LAMA2: variants seen among roughly 807,000 people sequenced by gnomAD.
LAMA2 encodes the protein laminin subunit alpha 2.
LAMA2 carries 269 observed loss-of-function variants against 364.8 expected under a neutral mutation model. The ratio of observed to expected loss-of-function variants is 0.74; its 90% confidence interval spans 0.67 to 0.82. The LOEUF is 0.82. Among genes scored for constraint, LAMA2 ranks in the 40% least tolerant of loss-of-function variants. LAMA2 has a pLI of 0.00. For synonymous variants in LAMA2, 1,379 were observed against 1,370.6 expected (o/e 1.01, Z -0.14); for missense variants, 3,807 against 3,873.2 (o/e 0.98, Z 0.45).
At chr6:129,277,518 T>C (rs919831636) in intron 17 of LAMA2, among the ~76,000 whole-genome samples, 3 of 152,192 alleles carry the variant, frequency 2.0e-5, no homozygotes, top group Admixed American at 6.5e-5. Flanking sequence ...TTTGGATGCG[T>C]TATGTCGAGT....
intron 9 of LAMA2, among the ~76,000 whole-genome samples, chr6:129,166,945 T>C (rs1326538151): frequency 6.6e-6 from 1 of 152,184 alleles, no homozygotes; most frequent in Non-Finnish European, 1.5e-5. Flanking sequence ...CTCAACTTTA[T>C]ATGGACATTA....
chr6:128,896,559 T>C (rs2114401075), intron 1 of LAMA2, among the ~76,000 whole-genome samples: 1 of 152,260 alleles, frequency 6.6e-6, no homozygotes, highest in African/African-American at 2.4e-5. Flanking sequence ...GCTTTTCAAT[T>C]CTCTTTATTC....
intron 63 of LAMA2, 121 bp from the exon 64 acceptor site, chr6:129,514,251 AC>A: frequency 1.3e-6 from 1 of 792,736 alleles, no homozygotes; most frequent in South Asian, 1.5e-5. Context: ...ATGCCCAGTT[AC>A]ATCCATTTCA....
At chr6:129,052,090 G>A (rs1038372615) in intron 2 of LAMA2, among the ~76,000 whole-genome samples, 1 of 150,844 alleles carries the variant, frequency 6.6e-6, no homozygotes, top group Admixed American at 6.6e-5. Context: ...TGGGGGTAAA[G>A]CTTCACAATT....
chr6:128,976,071 T>G (rs1425370950), intron 1 of LAMA2, among the ~76,000 whole-genome samples: 1 of 152,192 alleles, frequency 6.6e-6, no homozygotes, highest in African/African-American at 2.4e-5. Context: ...TGTGAAGTAA[T>G]TAAAGGGATT....
intron 40 of LAMA2, among the ~76,000 whole-genome samples, chr6:129,421,837 C>T (rs567167252): frequency 5.9e-5 from 9 of 152,186 alleles, no homozygotes; most frequent in African/African-American, 1.2e-4. Context: ...CTCAATTCCA[C>T]GGTGCTTGCA....
At chr6:129,270,508 T>C (rs1787848798) in intron 16 of LAMA2, 116 bp from the exon 17 acceptor site, 1 of 1,017,868 alleles carries the variant, frequency 9.8e-7, no homozygotes, top group Non-Finnish European at 1.5e-6. Flanking sequence ...CCATTTAACA[T>C]GGAAAAATTA....
chr6:129,309,902 A>ATTTTTTTTTTTTTT lies in LAMA2; in HGVS notation c.3175-2957_3175-2944dup, dbSNP rs993652081. On this transcript the variant is annotated intron_variant, in intron 22 of 64. Transcript: ENST00000421865. ...AGAAATAAAGCTAATCCTGATAATC[A>ATTTTTTTTTTTTTT]TTTTTTTTTTTTTTTGAGACGGAGT... is the stretch of plus-strand genomic sequence containing the variant. Among the ~76,000 whole-genome samples the ATTTTTTTTTTTTTT allele has an allele frequency of 7.7e-4, 104 of 135,732 alleles. 3 individuals carry two copies. The highest frequency in any genetic ancestry group is 6.2e-3 in the East Asian group (26 of 4,190). 89.0% of individuals were successfully genotyped at this position (135,732 alleles called of 152,430 possible).
intron 4 of LAMA2, among the ~76,000 whole-genome samples, chr6:129,123,100 C>T (rs371490861): frequency 6.6e-6 from 1 of 151,700 alleles, no homozygotes; most frequent in Non-Finnish European, 1.5e-5. Flanking sequence ...GTCAGGAGTT[C>T]GAGAGCAGCC....
chr6:129,362,692 G>A (rs1314947970), intron 32 of LAMA2, among the ~76,000 whole-genome samples: 1 of 152,172 alleles, frequency 6.6e-6, no homozygotes, highest in Non-Finnish European at 1.5e-5. Context: ...TAATAATGTA[G>A]CCCAAACAGG....
intron 12 of LAMA2, among the ~76,000 whole-genome samples, chr6:129,236,939 A>G (rs1279930568): frequency 6.6e-6 from 1 of 152,206 alleles, no homozygotes; most frequent in Non-Finnish European, 1.5e-5. Context: ...CATTGAATGA[A>G]TGCACTCAAA....
At chr6:129,449,785 CTCTG>C (rs1465103705) in intron 45 of LAMA2, among the ~76,000 whole-genome samples, 1 of 150,040 alleles carries the variant, frequency 6.7e-6, no homozygotes, top group African/African-American at 2.5e-5. Flanking sequence ...AGTGCTGCTG[CTCTG>C]TCTGCTACAC....
intron 40 of LAMA2, among the ~76,000 whole-genome samples, chr6:129,425,609 G>C (rs1247342021): frequency 6.6e-6 from 1 of 151,672 alleles, no homozygotes; most frequent in African/African-American, 2.4e-5. Flanking sequence ...AGTAGGCCTC[G>C]GTGTATGTTG....
chr6:129,508,214 T>C (rs1276561068), intron 62 of LAMA2, among the ~76,000 whole-genome samples: 1 of 119,234 alleles, frequency 8.4e-6, no homozygotes, highest in Non-Finnish European at 1.9e-5. Flanking sequence ...CTCTACATAA[T>C]AATTTTTTAA....
intron 1 of LAMA2, among the ~76,000 whole-genome samples, chr6:128,915,126 G>A (rs1778229851): frequency 6.6e-6 from 1 of 152,068 alleles, no homozygotes; most frequent in African/African-American, 2.4e-5. Flanking sequence ...AAATACTTTG[G>A]TGTCACATGG....
At chr6:129,508,418 A>ATT (rs57872506) in intron 62 of LAMA2, among the ~76,000 whole-genome samples, 75 of 95,528 alleles carry the variant, frequency 7.9e-4, no homozygotes, top group African/African-American at 1.8e-3. Context: ...ATGTACAATT[A>ATT]TTTTTTTTTT....
intron 41 of LAMA2, among the ~76,000 whole-genome samples, chr6:129,428,979 AC>A (rs1781459728): frequency 6.6e-6 from 1 of 151,992 alleles, no homozygotes; most frequent in Admixed American, 6.6e-5. Context: ...CTGTCTCCCT[AC>A]CCTTACCTAA....
intron 3 of LAMA2, among the ~76,000 whole-genome samples, chr6:129,079,817 C>T (rs73773670): frequency 6.6e-6 from 1 of 152,146 alleles, no homozygotes; most frequent in African/African-American, 2.4e-5. Flanking sequence ...ACATATACAA[C>T]ACATATACAA....
At chr6:129,463,495 G>T (rs1229661788) in intron 49 of LAMA2, among the ~76,000 whole-genome samples, 3 of 151,916 alleles carry the variant, frequency 2.0e-5, no homozygotes, top group Non-Finnish European at 2.9e-5. Flanking sequence ...TTTCCCGCAG[G>T]TATCTCCACA....
Sources: gnomAD v4.1 joint callset for allele counts (sites outside exome capture counted in the v4.1 genomes callset) on GRCh38, gnomAD v4.1.1 for gene constraint, MANE v1.5 for transcripts, NCBI Gene and HGNC (gene_info 2026-07-23, HGNC 2026-07-21) for gene names.